Variants in LRRIQ3 observed in about 807,000 individuals in gnomAD.
The protein encoded by LRRIQ3 is leucine-rich repeat and IQ domain-containing protein 3.
In LRRIQ3, 75 loss-of-function variants were observed where a neutral mutation model predicts 59.3. The ratio of observed to expected loss-of-function variants is 1.26; its 90% CI spans 1.05 to 1.53. The LOEUF (loss-of-function observed/expected upper bound fraction) is 1.53, where lower values mean the gene tolerates loss of function less well. Ranked by LOEUF, LRRIQ3 falls within the 40% of genes most tolerant of loss-of-function variation. The pLI is 0.00. For synonymous variants in LRRIQ3, 250 were observed against 231.3 expected (o/e 1.08, Z -0.73); for missense variants, 831 against 710.0 (o/e 1.17, Z -1.94).
At chr1:74,034,714 A>G (rs1220268924) in intron 7 of LRRIQ3, among the ~76,000 whole-genome samples, 6 of 151,896 alleles carry the variant, frequency 4.0e-5, no homozygotes, top group Non-Finnish European at 7.4e-5. Context: ...AGGGGGAAAT[A>G]AATAGTATTT....
At chr1:74,039,951 G>A (rs1653992383) in intron 7 of LRRIQ3, among the ~76,000 whole-genome samples, 1 of 152,158 alleles carries the variant, frequency 6.6e-6, no homozygotes, top group African/African-American at 2.4e-5. Flanking sequence ...AACCTAAAGT[G>A]TAAATGGGCT....
rs748618148 is a variant in LRRIQ3, at chr1:74,041,453, T to C, written c.1478A>G (p.Tyr493Cys). 5 of 1,613,686 alleles carry C rather than the reference T, an allele frequency of 3.1e-6. No individual in the cohort carries two copies. The highest frequency in any genetic ancestry group is 4.2e-6 in the Non-Finnish European group (5 of 1,179,858). Residue 493 changes from tyrosine (Y) to cysteine (C), a missense_variant, in exon 7 of 8, where the codon TAC (tyrosine) becomes TGC (cysteine). Tyr to Cys is a radical substitution (Grantham distance 194). Coordinates refer to ENST00000354431, the MANE Select transcript of LRRIQ3 (RefSeq NM_001105659.2). ...TTTTCTCTCTCTAGCTTTTTCAAGG[T>C]AGTTGAATCTGTTTTGCCAAACTTG... ...LRQVWQNRFN[Y>C]LEKARERKAL...
chr1:74,117,488 T>C (rs925895956), intron 4 of LRRIQ3, among the ~76,000 whole-genome samples: 5 of 152,102 alleles, frequency 3.3e-5, no homozygotes, highest in African/African-American at 1.2e-4. Context: ...TATACCAGCT[T>C]AGTGAGGTGG....
At chr1:74,085,895 A>G (rs1646322997) in intron 5 of LRRIQ3, among the ~76,000 whole-genome samples, 1 of 152,032 alleles carries the variant, frequency 6.6e-6, no homozygotes, top group South Asian at 2.1e-4. Context: ...ATTCTAACAC[A>G]CAATTCTAAT....
chr1:74,048,175 C>T (rs1191571870), intron 6 of LRRIQ3, among the ~76,000 whole-genome samples: 2 of 152,058 alleles, frequency 1.3e-5, no homozygotes, highest in African/African-American at 4.8e-5. Context: ...AAGGAAGTTC[C>T]CTCTCCTGAA....
intron 3 of LRRIQ3, among the ~76,000 whole-genome samples, chr1:74,165,266 A>AT (rs997057675): frequency 6.6e-6 from 1 of 151,456 alleles, no homozygotes; most frequent in African/African-American, 2.4e-5. Flanking sequence ...CTTTATTTTT[A>AT]TTTTTTAAAT....
At chr1:74,071,416 T>C (rs887720106) in intron 6 of LRRIQ3, among the ~76,000 whole-genome samples, 5 of 152,066 alleles carry the variant, frequency 3.3e-5, no homozygotes, top group Admixed American at 6.6e-5. Flanking sequence ...CTCTGGAAAA[T>C]AAAATGAAAA....
At chr1:74,064,425 A>G (rs1654814294) in intron 6 of LRRIQ3, among the ~76,000 whole-genome samples, 1 of 152,008 alleles carries the variant, frequency 6.6e-6, no homozygotes, top group Non-Finnish European at 1.5e-5. Context: ...TTTCTAAAGT[A>G]AGTTAAAAGA....
chr1:74,166,898 G>A (rs1165885385), intron 3 of LRRIQ3, among the ~76,000 whole-genome samples: 1 of 151,578 alleles, frequency 6.6e-6, no homozygotes. Flanking sequence ...AAACCACAAG[G>A]TGATATCACC....
chr1:74,127,160 A>C (rs940802494), intron 4 of LRRIQ3, among the ~76,000 whole-genome samples: 5 of 151,814 alleles, frequency 3.3e-5, no homozygotes, highest in Non-Finnish European at 5.9e-5. Context: ...GTCTGGTATA[A>C]GTATTCCTGA....
intron 5 of LRRIQ3, among the ~76,000 whole-genome samples, chr1:74,094,494 A>G (rs1646428588): frequency 6.6e-6 from 1 of 152,072 alleles, no homozygotes; most frequent in Admixed American, 6.6e-5. Context: ...CAGAAACTAG[A>G]CTAGGCAAGA....
chr1:74,065,919 G>T (rs1654852220), intron 6 of LRRIQ3, among the ~76,000 whole-genome samples: 1 of 152,076 alleles, frequency 6.6e-6, no homozygotes, highest in East Asian at 1.9e-4. Flanking sequence ...GGGCACAATG[G>T]CTCATGCCTG....
intron 1 of LRRIQ3, among the ~76,000 whole-genome samples, chr1:74,190,957 C>T (rs983736579): frequency 1.4e-4 from 21 of 152,050 alleles, no homozygotes; most frequent in Admixed American, 6.6e-4. Context: ...TCTTGTCTGC[C>T]GCCATGTAAG....
In LRRIQ3 at chr1:74,152,183, GA is replaced by G. The variant is rs993223770; in HGVS notation, c.707+3549del. Among the ~76,000 whole-genome samples, 17 of 151,192 alleles carry G rather than the reference GA, an allele frequency of 1.1e-4. No individual in the cohort carries two copies. The South Asian group carries it at 1.5e-3, about 13-fold the overall frequency. On this transcript the variant is annotated intron_variant, in intron 4 of 7. Transcript: ENST00000354431. ...TTTAGAAATGCAGTGATAGAAATGA[GA>G]AAAAAATCAGTATTTAAAAACTAAT... is the stretch of plus-strand genomic sequence containing the variant.
chr1:74,037,060 T>C (rs1192870059), intron 7 of LRRIQ3, among the ~76,000 whole-genome samples: 1 of 152,248 alleles, frequency 6.6e-6, no homozygotes, highest in African/African-American at 2.4e-5. Flanking sequence ...CTCTTCTCAG[T>C]GGTTGTTATA....
chr1:74,041,736 G>C lies in LRRIQ3; in HGVS notation c.1195C>G (p.Arg399Gly). The change falls in exon 7 of 8, where the codon CGA (arginine) becomes GGA (glycine). Residue 399 changes from arginine to glycine, a missense_variant. Physicochemically the swap from Arg to Gly is moderately radical, Grantham distance 125. Coordinates refer to ENST00000354431, the MANE Select transcript of LRRIQ3 (RefSeq NM_001105659.2). The part of the protein sequence containing the change: ...HPKPIIKKDI[R>G]LERSMKEFFA... ...AACTCTTTCATACTCCGCTCCAATC[G>C]TATGTCTTTTTTAATGATTGGCTTT... The C allele has an allele frequency of 6.2e-7, 1 of 1,613,498 alleles. No homozygotes were observed. Among genetic ancestry groups the C allele is most frequent in the Non-Finnish European group, 8.5e-7 (1 of 1,179,738 alleles).
At chr1:74,078,880 A>G (rs1290902677) in intron 5 of LRRIQ3, among the ~76,000 whole-genome samples, 1 of 151,854 alleles carries the variant, frequency 6.6e-6, no homozygotes, top group Non-Finnish European at 1.5e-5. Flanking sequence ...AATAATGCAG[A>G]AAAAAATAAT....
chr1:74,128,262 CTA>C (rs1441234379), intron 4 of LRRIQ3, among the ~76,000 whole-genome samples: 1 of 151,970 alleles, frequency 6.6e-6, no homozygotes, highest in African/African-American at 2.4e-5. Flanking sequence ...ACATCTTTCT[CTA>C]GGTTTGGGAA....
At chr1:74,100,509 T>A (rs527346843) in intron 5 of LRRIQ3, among the ~76,000 whole-genome samples, 7 of 152,212 alleles carry the variant, frequency 4.6e-5, no homozygotes, top group Non-Finnish European at 1.0e-4. Context: ...TTCAATGCCA[T>A]CCCCATAAAG....
Sources: allele counts gnomAD v4.1 joint callset (sites outside exome capture counted in the v4.1 genomes callset), GRCh38; gene constraint gnomAD v4.1.1; transcripts MANE v1.5; gene names NCBI Gene and HGNC (gene_info 2026-07-23, HGNC 2026-07-21).